The following TNRC6C variants were observed in gnomAD, a reference collection of about 807,000 sequenced individuals.
TNRC6C encodes trinucleotide repeat containing adaptor 6C.
Under a neutral mutation model 153.7 loss-of-function variants are expected in TNRC6C, and 20 were observed. The ratio of observed to expected loss-of-function variants is 0.13; its 90% CI spans 0.09 to 0.19. The LOEUF (loss-of-function observed/expected upper bound fraction) is 0.19, where lower values mean the gene tolerates loss of function less well. Ranked by LOEUF, TNRC6C falls within the 10% of genes least tolerant of loss-of-function variation. The pLI is 1.00. For synonymous variants in TNRC6C, 811 were observed against 841.4 expected, an observed-to-expected ratio of 0.96 and a Z score of 0.63; for missense variants, 1,987 against 2,172.0, an observed-to-expected ratio of 0.91 and a Z score of 1.69.
In TNRC6C at chr17:78,075,231, C is replaced by A. The variant is rs1285077056; in HGVS notation, c.3013C>A (p.Pro1005Thr). 4 of 1,603,678 alleles carry A rather than the reference C, an allele frequency of 2.5e-6. No homozygotes were observed. The highest frequency in any genetic ancestry group is 1.7e-5 in the Admixed American group (1 of 58,380). The change falls in exon 8 of 20, where the codon CCA becomes ACA. Residue 1005 changes from proline to threonine, a missense_variant. Pro to Thr is a conservative substitution (Grantham distance 38). Around this residue, in one of 4 missense-constraint regions of TNRC6C, gnomAD observed 765 missense variants for 908.6 expected, o/e 0.84. Transcript: ENST00000301624. The surrounding 1 kb of genome is among the most constrained non-coding windows in gnomAD (Gnocchi z 4.2). Reference sequence around the variant, plus strand: ...CGCCAAGCCCCTCGGCTGCCGCCCGCCAATCTCCAAAGAGTCTTCCGTGGA... The same window carrying A: ...CGCCAAGCCCCTCGGCTGCCGCCCGACAATCTCCAAAGAGTCTTCCGTGGA...
At chr17:78,072,236 T>C (rs539116305) in intron 6 of TNRC6C, among the ~76,000 whole-genome samples, 76 of 152,324 alleles carry the variant, frequency 5.0e-4, no homozygotes, top group Admixed American at 1.3e-3. Context: ...GTGTCCTGAT[T>C]TATACTGTCT....
chr17:78,038,147 C>A (rs2072217384), intron 2 of TNRC6C, among the ~76,000 whole-genome samples: 8 of 151,822 alleles, frequency 5.3e-5, no homozygotes, highest in Admixed American at 5.2e-4. Flanking sequence ...AATCATAAGC[C>A]ATGAAAAGAA....
At chr17:78,094,628 T>A (rs1352224647) in intron 16 of TNRC6C, among the ~76,000 whole-genome samples, 1 of 151,736 alleles carries the variant, frequency 6.6e-6, no homozygotes, top group Non-Finnish European at 1.5e-5. Flanking sequence ...TTAGTAGAGA[T>A]GGGGTTTCAC....
At chr17:78,031,805 A>T in exon 2 of TNRC6C, 1 of 1,232,276 alleles carries the variant, frequency 8.1e-7, no homozygotes, top group Non-Finnish European at 1.0e-6. Context: ...CCCTACCTGG[A>T]GCCGGAACAC....
At chr17:78,086,350 A>AAC (rs1396470768) in intron 11 of TNRC6C, among the ~76,000 whole-genome samples, 153 bp from the exon 14 acceptor site, 3 of 141,814 alleles carry the variant, frequency 2.1e-5, no homozygotes, top group African/African-American at 8.1e-5. Context: ...AAAAAAAAAA[A>AAC]AAAAAAAAAA....
chr17:78,104,659 C>T lies in TNRC6C; in HGVS notation c.4887C>T (p.Asp1629=), dbSNP rs975407973. The change falls in exon 20 of 20, where the codon GAC becomes GAT. Residue 1629 remains aspartate, a synonymous_variant. Transcript: ENST00000301624. This position sits in a 1 kb window ranked among gnomAD's most constrained non-coding sequence, Gnocchi z 6.2. The stretch of plus-strand genomic sequence containing the variant: ...GCTCCCATGGCCTGGTACGCAGCGA[C>T]GCTGGCCACTGGAACGCCCCGTGCC... The T allele has an allele frequency of 5.2e-6, 8 of 1,544,424 alleles. No homozygotes were observed. Among genetic ancestry groups the T allele is most frequent in the East Asian group, 4.9e-5 (2 of 40,876 alleles).
intron 1 of TNRC6C, among the ~76,000 whole-genome samples, chr17:77,995,674 G>A (rs1284408119): frequency 2.6e-5 from 4 of 152,138 alleles, no homozygotes; most frequent in African/African-American, 9.7e-5. Context: ...TACTGTATCT[G>A]AGAGACTGAT....
intron 3 of TNRC6C, among the ~76,000 whole-genome samples, chr17:78,052,117 A>G (rs1160217749): frequency 3.3e-5 from 5 of 152,268 alleles, no homozygotes; most frequent in African/African-American, 1.2e-4. Flanking sequence ...AGCAAGGAGC[A>G]GGAAAGAGCG....
At chr17:77,961,362 G>T (rs939204139) in intron 1 of TNRC6C, among the ~76,000 whole-genome samples, 1 of 152,108 alleles carries the variant, frequency 6.6e-6, no homozygotes, top group African/African-American at 2.4e-5. Context: ...TGCCATGTTG[G>T]CCAGGCTGGT....
chr17:77,999,375 C>T (rs1237457078), upstream of TNRC6C, among the ~76,000 whole-genome samples: 1 of 152,240 alleles, frequency 6.6e-6, no homozygotes, highest in African/African-American at 2.4e-5. Flanking sequence ...AAGTCACCCC[C>T]ACACAGATTG....
rs115463145 is a variant in TNRC6C, at chr17:78,097,088, A to C, written c.4307-1255A>C. Among the ~76,000 whole-genome samples the C allele has an allele frequency of 2.6e-3, 397 of 152,218 alleles. 3 individuals are homozygous for C. The highest frequency in any genetic ancestry group is 8.9e-3 in the African/African-American group (370 of 41,540). ...TCATGAGCCGGGTGTGGTGGCATGC[A>C]CCTGTGGTCCCTGTGACTCCGGAGG... On this transcript the variant is annotated intron_variant, in intron 16 of 19. Coordinates refer to ENST00000301624, the Ensembl canonical transcript of TNRC6C.
intron 1 of TNRC6C, among the ~76,000 whole-genome samples, chr17:78,025,562 T>A (rs2071925603): frequency 6.6e-6 from 1 of 152,214 alleles, no homozygotes; most frequent in South Asian, 2.1e-4. Flanking sequence ...TGTGCAGGTT[T>A]TTGTATGAAC....
chr17:78,108,692 G>C (rs751759645), exon 20 of TNRC6C: 1 of 154,488 alleles, frequency 6.5e-6, no homozygotes, highest in African/African-American at 2.4e-5. Flanking sequence ...CAAAGACCTC[G>C]TGGGCCTGGG....
chr17:78,052,490 G>A (rs941681444), intron 3 of TNRC6C, among the ~76,000 whole-genome samples: 9 of 152,164 alleles, frequency 5.9e-5, no homozygotes, highest in African/African-American at 2.2e-4. Context: ...AACAACACAC[G>A]AATTAAAGTA....
intron 1 of TNRC6C, among the ~76,000 whole-genome samples, chr17:77,994,438 C>T (rs574352031): frequency 1.3e-5 from 2 of 152,138 alleles, no homozygotes; most frequent in Non-Finnish European, 2.9e-5. Context: ...AATTAAAATC[C>T]ACCTTTGAAC....
At chr17:78,087,195 C>T in intron 13 of TNRC6C, 102 bp downstream of exon 15, 2 of 1,517,662 alleles carry the variant, frequency 1.3e-6, no homozygotes, top group Non-Finnish European at 1.8e-6. Flanking sequence ...GAGGACTGGC[C>T]AGCGCTGAAA....
intron 1 of TNRC6C, among the ~76,000 whole-genome samples, chr17:78,029,816 C>G (rs1249955926): frequency 6.6e-6 from 1 of 151,546 alleles, no homozygotes; most frequent in Non-Finnish European, 1.5e-5. Context: ...TAGACACACA[C>G]ACACACACAC....
intron 13 of TNRC6C, among the ~76,000 whole-genome samples, 187 bp downstream of exon 15, chr17:78,087,280 A>T (rs573270825): frequency 4.1e-4 from 62 of 152,186 alleles, no homozygotes; most frequent in African/African-American, 1.3e-3. Flanking sequence ...TTTTAAAAAA[A>T]TTTTTTAATT....
chr17:78,086,942 G>C (rs34543719), exon 13 of TNRC6C: 1 of 1,612,044 alleles, frequency 6.2e-7, no homozygotes, highest in Non-Finnish European at 8.5e-7. Flanking sequence ...AGCCACCACC[G>C]CCACCGCCCC....
Sources: gnomAD v4.1 joint callset for allele counts (sites outside exome capture counted in the v4.1 genomes callset) on GRCh38, gnomAD v4.1.1 for gene constraint, gnomAD v4.1.1 regional missense constraint, Gnocchi (gnomAD v3.1) non-coding constraint, MANE v1.5 for transcripts, NCBI Gene and HGNC (gene_info 2026-07-23, HGNC 2026-07-21) for gene names.